The following WASHC2A variants were observed in gnomAD, a reference collection of about 807,000 sequenced individuals.
WASHC2A encodes the protein WASH complex subunit 2A, also known as WASH complex subunit FAM21A.
A neutral mutation model predicts 140.3 loss-of-function variants in WASHC2A; 82 were observed. The ratio of observed to expected loss-of-function variants is 0.58; its 90% CI spans 0.49 to 0.70. The LOEUF is 0.70. Ranked by LOEUF, WASHC2A falls within the 30% of genes least tolerant of loss-of-function variation. The pLI is 0.00. For missense variants in WASHC2A, 985 were observed against 1,521.8 expected, an observed-to-expected ratio of 0.65 and a Z score of 5.87; for synonymous variants, 340 against 560.8, an observed-to-expected ratio of 0.61 and a Z score of 5.56.
rs1406196800 is a variant in WASHC2A, at chr10:50,084,061, A to T, written c.529-11A>T. On this transcript the variant is annotated splice_polypyrimidine_tract_variant and intron_variant, in intron 5 of 30. Transcript: ENST00000282633. ...AAATGTTTGACAGCCTATTCCTTTC[A>T]TGATGTACAGGATCTATACATTGAT... 31 of 1,611,064 alleles carry T rather than the reference A, an allele frequency of 1.9e-5. No individual in the cohort carries two copies. Among genetic ancestry groups the T allele is most frequent in the Middle Eastern group, 2.2e-4 (1 of 4,452 alleles).
intron 23 of WASHC2A, among the ~76,000 whole-genome samples, chr10:50,124,034 AATT>A (rs1459305320): frequency 6.6e-6 from 1 of 152,152 alleles, no homozygotes; most frequent in African/African-American, 2.4e-5. Context: ...TAACAATAAT[AATT>A]ATTGTTAATG....
At chr10:50,107,533 A>AG (rs1841901014) in intron 19 of WASHC2A, among the ~76,000 whole-genome samples, 1 of 152,100 alleles carries the variant, frequency 6.6e-6, no homozygotes, top group African/African-American at 2.4e-5. Flanking sequence ...GCAAGTTAAT[A>AG]GGGGGTGAAG....
intron 3 of WASHC2A, among the ~76,000 whole-genome samples, chr10:50,070,542 A>G (rs1554875840): frequency 6.6e-6 from 1 of 151,910 alleles, no homozygotes; most frequent in South Asian, 2.1e-4. Flanking sequence ...CCCAAGATTT[A>G]GAATAGTTAA....
At chr10:50,118,100 C>T (rs371728749) in intron 22 of WASHC2A, 42 bp downstream of exon 22, 167 of 1,592,748 alleles carry the variant, frequency 1.0e-4, no homozygotes, top group Non-Finnish European at 1.3e-4. Context: ...ATTTGTCTCT[C>T]GTATGTTGTT....
intron 2 of WASHC2A, among the ~76,000 whole-genome samples, chr10:50,068,602 A>C (rs1219940259): frequency 1.3e-5 from 2 of 151,062 alleles, no homozygotes; most frequent in Non-Finnish European, 1.5e-5. Context: ...GGATTTTTCA[A>C]ATCGGGGGCC....
intron 26 of WASHC2A, among the ~76,000 whole-genome samples, chr10:50,126,906 G>GTCACA (rs1843483092): frequency 6.6e-6 from 1 of 151,962 alleles, no homozygotes; most frequent in Non-Finnish European, 1.5e-5. Context: ...TGTGACTCTT[G>GTCACA]GGAATCTTAC....
In WASHC2A at chr10:50,130,931, C is replaced by A; in HGVS notation, c.3739C>A (p.Pro1247Thr). Residue 1247 changes from proline to threonine, a missense_variant, in exon 30 of 31, where the codon CCC becomes ACC. Pro to Thr is a conservative substitution (Grantham distance 38, BLOSUM62 -1). Coordinates refer to ENST00000282633, the MANE Select transcript of WASHC2A (RefSeq NM_001005751.3). The stretch of plus-strand genomic sequence containing the variant: ...TATATTTGCTACGGAAGCAATTAAA[C>A]CCTCTCAGAAAACCAGAGAGAAGGA... ...DDIFATEAIKPSQKTREKEKT... is the reference protein window; with the variant it reads ...DDIFATEAIKTSQKTREKEKT... 1 of 1,608,438 alleles carries A rather than the reference C, an allele frequency of 6.2e-7. No individual in the cohort carries two copies. Among genetic ancestry groups the A allele is most frequent in the Non-Finnish European group, 8.5e-7 (1 of 1,178,954 alleles).
At chr10:50,112,117 A>G (rs1477513078) in intron 20 of WASHC2A, 49 of 984,734 alleles carry the variant, frequency 5.0e-5, no homozygotes, top group African/African-American at 7.0e-5. Flanking sequence ...TCATACCCCA[A>G]CACCCTCAGC....
chr10:50,120,491 T>A (rs1182040701), intron 23 of WASHC2A, among the ~76,000 whole-genome samples: 1 of 137,652 alleles, frequency 7.3e-6, no homozygotes, highest in African/African-American at 2.9e-5. Context: ...GTGATGACGC[T>A]TGCCTGTAAT....
At chr10:50,131,989 G>A (rs1337299261) in intron 30 of WASHC2A, among the ~76,000 whole-genome samples, 6 of 152,224 alleles carry the variant, frequency 3.9e-5, no homozygotes, top group Non-Finnish European at 5.9e-5. Context: ...ATATGTTTGT[G>A]TACACATCAA....
Position 50,069,551 on chromosome 10 carries a change from T to C in WASHC2A, c.131T>C (p.Leu44Pro), listed in dbSNP as rs782217492. Residue 44 changes from leucine (L) to proline (P), a missense_variant, in exon 3 of 31, where the codon CTA (leucine) becomes CCA (proline). Leu to Pro is a moderately conservative substitution (Grantham distance 98, BLOSUM62 -3). Coordinates refer to ENST00000282633, the MANE Select transcript of WASHC2A (RefSeq NM_001005751.3). ...SWSLAADAGL[L>P]QFLQEFSQQT... ...TATGTTTATTTTTTAAAATAGCTAC[T>C]ACAGTTTCTACAGGAATTCTCACAG... 1 of 1,613,168 alleles carries C rather than the reference T, an allele frequency of 6.2e-7. No individual in the cohort carries two copies. Among genetic ancestry groups the C allele is most frequent in the Non-Finnish European group, 8.5e-7 (1 of 1,179,614 alleles).
At chr10:50,131,270 A>G in intron 30 of WASHC2A, 192 bp downstream of exon 30, 2 of 734,600 alleles carry the variant, frequency 2.7e-6, no homozygotes, top group South Asian at 1.5e-5. Context: ...CTTTCCTATG[A>G]TAGTCATCAA....
intron 30 of WASHC2A, chr10:50,131,316 A>G (rs2133129838): frequency 1.4e-6 from 1 of 732,908 alleles, no homozygotes; most frequent in Non-Finnish European, 2.4e-6. Flanking sequence ...ACGTTTAAGT[A>G]TAATTTAACT....
intron 3 of WASHC2A, among the ~76,000 whole-genome samples, chr10:50,076,343 T>G (rs1321776504): frequency 2.0e-5 from 3 of 152,240 alleles, no homozygotes; most frequent in African/African-American, 7.2e-5. Flanking sequence ...AATTATAAAT[T>G]TGGTATTTGT....
chr10:50,072,504 T>TG (rs1554876581), intron 3 of WASHC2A, among the ~76,000 whole-genome samples: 2 of 123,278 alleles, frequency 1.6e-5, no homozygotes, highest in Non-Finnish European at 3.5e-5. Context: ...TTTTTTTTTT[T>TG]GAGACGGAGT....
At chr10:50,121,702 G>A (rs1843035507) in intron 23 of WASHC2A, among the ~76,000 whole-genome samples, 1 of 147,250 alleles carries the variant, frequency 6.8e-6, no homozygotes, top group African/African-American at 2.6e-5. Context: ...CCTACTAGTA[G>A]TAACTTTCAT....
chr10:50,109,248 G>C (rs1416702375), intron 19 of WASHC2A, among the ~76,000 whole-genome samples: 4 of 152,150 alleles, frequency 2.6e-5, no homozygotes, highest in Admixed American at 6.5e-5. Flanking sequence ...GATTTGAAGG[G>C]GTGTGAGCAT....
At chr10:50,110,321 A>G in intron 20 of WASHC2A, 51 bp downstream of exon 20, 2 of 1,606,154 alleles carry the variant, frequency 1.2e-6, no homozygotes, top group Non-Finnish European at 1.7e-6. Flanking sequence ...TGGTAACAAG[A>G]AAAGGAATCT....
Position 50,102,571 on chromosome 10 carries a change from C to T in WASHC2A, c.1636-1471C>T, listed in dbSNP as rs1216597493. On this transcript the variant is annotated intron_variant, in intron 17 of 30. Coordinates refer to ENST00000282633, the MANE Select transcript of WASHC2A (RefSeq NM_001005751.3). ...CTATCTAAATAAACCCATGGGACTC[C>T]GGGGAGCACAGGGGAAAAACACTGT... Among the ~76,000 whole-genome samples the T allele has an allele frequency of 2.2e-3, 337 of 151,420 alleles. 2 individuals are homozygous for T. The highest frequency in any genetic ancestry group is 7.9e-3 in the African/African-American group (324 of 41,192).
Sources: allele counts gnomAD v4.1 joint callset (sites outside exome capture counted in the v4.1 genomes callset), GRCh38; gene constraint gnomAD v4.1.1; transcripts MANE v1.5; gene names NCBI Gene and HGNC (gene_info 2026-07-23, HGNC 2026-07-21).